MIS12: variants seen among roughly 807,000 people sequenced by gnomAD.
The protein encoded by MIS12 is MIS12 kinetochore complex component.
A neutral mutation model predicts 16.5 loss-of-function variants in MIS12; 13 were observed. The observed-to-expected ratio is 0.79, with a 90% CI of 0.51 to 1.25. MIS12 has a LOEUF of 1.25. Among genes scored for constraint, MIS12 ranks in the 50% most tolerant of loss-of-function variants. The probability of loss-of-function intolerance (pLI) is 0.00; values close to 1 mark genes in which losing one functional copy is unlikely to be tolerated. For synonymous variants in MIS12, 97 were observed against 87.3 expected (o/e 1.11, Z -0.62); for missense variants, 199 against 239.5 (o/e 0.83, Z 1.12).
rs1356730840 is a variant in MIS12 at position 5,490,720 on chromosome 17, C to A, written c.*1240C>A. 6.0e-6 allele frequency: 1 copy of A among 167,004 alleles called. No homozygotes were observed. Among genetic ancestry groups the A allele is most frequent in the Admixed American group, 6.5e-5 (1 of 15,278 alleles). The allele number at this position is 167,004 out of a possible 1,614,324, so 10.3% of individuals were successfully genotyped here. A position where few individuals can be genotyped will look rare whatever the true frequency, so the allele number is the denominator to read the frequency against. On this transcript the variant is annotated 3_prime_UTR_variant, in exon 3 of 3. Transcript: ENST00000611091. ...TAGGGTGTATTTGCAATGAAATATT[C>A]ATAGATATTGAAAGCTTGTGTTTAC...
Position 5,489,582 on chromosome 17 carries a change from A to G in MIS12, c.*102A>G, listed in dbSNP as rs1463434762. The G allele has an allele frequency of 2.5e-5, 31 of 1,259,748 alleles. No individual in the cohort carries two copies. Among genetic ancestry groups the G allele is most frequent in the Non-Finnish European group, 3.2e-5 (30 of 925,876 alleles). The allele number at this position is 1,259,748 out of a possible 1,614,324, so 78.0% of individuals were successfully genotyped here. A position where few individuals can be genotyped will look rare whatever the true frequency, so the allele number is the denominator to read the frequency against. On this transcript the variant is annotated 3_prime_UTR_variant, in exon 3 of 3. Transcript: ENST00000611091. ...ATCATACCAGTGACTGTTCAAACCA[A>G]CCATACTTTTTATTAGATTTGCTTT...
upstream of MIS12, chr17:5,486,377 T>G: frequency 9.4e-6 from 4 of 424,072 alleles, no homozygotes; most frequent in Admixed American, 4.2e-5. Flanking sequence ...GCGCCCCATC[T>G]CCCCACCCTC....
intron 1 of MIS12, 167 bp downstream of exon 1, chr17:5,486,851 A>T (rs1333622799): frequency 6.6e-6 from 1 of 152,504 alleles, no homozygotes; most frequent in Non-Finnish European, 1.5e-5. Context: ...GGAAGCCGGG[A>T]GCCGGCCGGA....
intron 2 of MIS12, 26 bp downstream of exon 2, chr17:5,488,615 G>C: frequency 2.3e-6 from 1 of 440,232 alleles, no homozygotes; most frequent in Non-Finnish European, 4.1e-6. Flanking sequence ...AACGAGGAGG[G>C]GAAAAGGGAG....
rs773160575 is a variant in MIS12 at position 5,489,745 on chromosome 17, C to T, written c.*265C>T. 1 of 362,740 alleles carries T rather than the reference C, an allele frequency of 2.8e-6. No individual in the cohort carries two copies. Among genetic ancestry groups the T allele is most frequent in the Non-Finnish European group, 5.1e-6 (1 of 194,838 alleles). 22.5% of individuals were successfully genotyped at this position (362,740 alleles called of 1,614,324 possible). On this transcript the variant is annotated 3_prime_UTR_variant, in exon 3 of 3. Transcript: ENST00000611091. ...AGGGATCCAACAAAGAAGCCATGAC[C>T]AGTTAAAGATATTTGCAGAGTTACA... is the stretch of plus-strand genomic sequence containing the variant.
At chr17:5,487,981 G>C in intron 1 of MIS12, among the ~76,000 whole-genome samples, 1 of 152,102 alleles carries the variant, frequency 6.6e-6, no homozygotes, top group Non-Finnish European at 1.5e-5. Context: ...TTATCTGAAG[G>C]AATAATAAAA....
chr17:5,487,426 A>G (rs1906434169), intron 1 of MIS12: 1 of 152,328 alleles, frequency 6.6e-6, no homozygotes, highest in Admixed American at 6.5e-5. Context: ...ACAGAGCGAC[A>G]ACATGTCTCA....
chr17:5,489,175 A>C lies in MIS12; in HGVS notation c.313A>C (p.Lys105Gln). The change falls in exon 3 of 3, where the codon AAG becomes CAG. Residue 105 changes from lysine to glutamine, a missense_variant. Lys to Gln is a moderately conservative substitution (Grantham distance 53). Transcript: ENST00000611091. ...SNILLPEDKC[K>Q]ETPYSEEDFQ... ...CATCTTGCTTCCTGAAGATAAATGT[A>C]AGGAGACACCTTATAGTGAGGAAGA... 6.2e-7 allele frequency: 1 copy of C among 1,614,228 alleles called. No homozygotes were observed. The highest frequency in any genetic ancestry group is 8.5e-7 in the Non-Finnish European group (1 of 1,180,038).
chr17:5,489,392 G>A lies in MIS12; in HGVS notation c.530G>A (p.Ser177Asn). The change falls in exon 3 of 3, where the codon AGT becomes AAT. Residue 177 changes from serine to asparagine, a missense_variant. Transcript: ENST00000611091. ...RDHGTSDFRE[S>N]LVSLVQNSRK... The stretch of plus-strand genomic sequence containing the variant: ...CATGGGACTAGTGATTTTAGGGAGA[G>A]TTTAGTATCCCTGGTTCAGAACTCC... 2 of 1,613,856 alleles carry A rather than the reference G, an allele frequency of 1.2e-6. No homozygotes were observed. Among genetic ancestry groups the A allele is most frequent in the Non-Finnish European group, 1.7e-6 (2 of 1,179,912 alleles).
chr17:5,487,566 C>G (rs1567616685), intron 1 of MIS12: 1 of 152,200 alleles, frequency 6.6e-6, no homozygotes, highest in Admixed American at 6.5e-5. Flanking sequence ...GAGTCTCGCT[C>G]TGTTGCCCAG....
Position 5,489,210 on chromosome 17 carries a change from T to C in MIS12, c.348T>C (p.His116=). The C allele has an allele frequency of 1.2e-6, 2 of 1,614,192 alleles. No homozygotes were observed. The highest frequency in any genetic ancestry group is 2.2e-5 in the East Asian group (1 of 44,878). The change falls in exon 3 of 3, where the codon CAT becomes CAC. Residue 116 remains histidine, a synonymous_variant. Coordinates refer to ENST00000611091, the MANE Select transcript of MIS12 (RefSeq NM_001258217.2). ...CTTATAGTGAGGAAGATTTTCAGCA[T>C]CTCCAGAAAGAAATTGAACAGTTAC... ...ETPYSEEDFQ[H]LQKEIEQLQE...
Position 5,488,469 on chromosome 17 carries a change from G to GT in MIS12, c.-161_-160insT. ...TCAAGAGCCAGGTGGCTAAAAGGTG[G>GT]AGCTATAGGTCATTGAAGCTCAAGA... On this transcript the variant is annotated 5_prime_UTR_variant, in exon 2 of 3. Transcript: ENST00000611091. The GT allele has an allele frequency of 1.2e-5, 2 of 167,144 alleles. No individual in the cohort carries two copies. The highest frequency in any genetic ancestry group is 5.8e-5 in the Admixed American group (1 of 17,236). The allele number at this position is 167,144 out of a possible 1,614,324, so 10.4% of individuals were successfully genotyped here. A position where few individuals can be genotyped will look rare whatever the true frequency, so the allele number is the denominator to read the frequency against.
At position 5,489,444 on chromosome 17, in the gene MIS12, T is replaced by A. The variant is rs779548037; in HGVS notation, c.582T>A (p.Asn194Lys). 2.5e-6 allele frequency: 4 copies of A among 1,594,496 alleles called. No individual in the cohort carries two copies. The highest frequency in any genetic ancestry group is 3.4e-6 in the Non-Finnish European group (4 of 1,174,832). ...NSRKLQNIRD[N>K]VEKESKRLKI... ...GAAAACTACAGAACATTAGAGACAA[T>A]GTGGAAAAGGAATCGAAACGACTGA... Residue 194 changes from asparagine (N) to lysine (K), a missense_variant, in exon 3 of 3, where the codon AAT becomes AAA. Physicochemically the swap from Asn to Lys is moderately conservative, Grantham distance 94. Coordinates refer to ENST00000611091, the MANE Select transcript of MIS12 (RefSeq NM_001258217.2).
At chr17:5,487,754 A>G (rs1906473740) in intron 1 of MIS12, 1 of 152,182 alleles carries the variant, frequency 6.6e-6, no homozygotes, top group Admixed American at 6.5e-5. Flanking sequence ...CTGGTCTCGA[A>G]CTCCTGACCT....
At position 5,489,035 on chromosome 17, in the gene MIS12, T is replaced by C; in HGVS notation, c.173T>C (p.Val58Ala). ...ATCCCAGACTGTGACATTAGCCCAG[T>C]GCAGATTCGCAAATGCACAGAGAAG... ...DGIPDCDISPVQIRKCTEKFL... is the reference protein window; with the variant it reads ...DGIPDCDISPAQIRKCTEKFL... The change falls in exon 3 of 3, where the codon GTG becomes GCG. Residue 58 changes from valine to alanine, a missense_variant. Transcript: ENST00000611091. The C allele has an allele frequency of 6.2e-7, 1 of 1,614,238 alleles. No individual in the cohort carries two copies. Among genetic ancestry groups the C allele is most frequent in the East Asian group, 2.2e-5 (1 of 44,892 alleles).
rs1459405734 is a variant in MIS12, at chr17:5,489,119, T to A, written c.257T>A (p.Phe86Tyr). The change falls in exon 3 of 3, where the codon TTT (phenylalanine) becomes TAT (tyrosine). Residue 86 changes from phenylalanine (F) to tyrosine (Y), a missense_variant. Transcript: ENST00000611091. ...CTTTTTAGCAAAATGGAGCAACTGT[T>A]TTTGCAGCTGATTTTACGTATTCCC... ...DNLFSKMEQL[F>Y]LQLILRIPSN... 6.2e-7 allele frequency: 1 copy of A among 1,614,190 alleles called. No homozygotes were observed. The highest frequency in any genetic ancestry group is 1.7e-5 in the Admixed American group (1 of 60,028).
intron 1 of MIS12, chr17:5,487,065 T>C (rs1296694436): frequency 6.6e-6 from 1 of 152,092 alleles, no homozygotes; most frequent in African/African-American, 2.4e-5. Context: ...CGAAGAGAGG[T>C]CCTAATGGGA....
At chr17:5,487,791 A>T (rs1455742607) in intron 1 of MIS12, 1 of 152,214 alleles carries the variant, frequency 6.6e-6, no homozygotes, top group South Asian at 2.1e-4. Context: ...CCGGCCTCCT[A>T]AAGTGCTGAG....
In MIS12 at chr17:5,488,962, G is replaced by T; in HGVS notation, c.100G>T (p.Glu34Ter). ...CATTGCATTTCAAGACTACCTATTT[G>T]AAGTGATGCAGGCCGTTGAACAGGT... The part of the protein sequence containing the change: ...IYIAFQDYLF[E>*]VMQAVEQVIL... The change falls in exon 3 of 3, where the codon GAA becomes TAA. Residue 34 changes from glutamate (E) to a stop codon, truncating the protein, a stop_gained. Transcript: ENST00000611091. LOFTEE classifies it high-confidence loss of function. 2 of 1,614,192 alleles carry T rather than the reference G, an allele frequency of 1.2e-6. No homozygotes were observed. The highest frequency in any genetic ancestry group is 1.7e-6 in the Non-Finnish European group (2 of 1,180,044).
Sources: gnomAD v4.1 joint callset for allele counts (sites outside exome capture counted in the v4.1 genomes callset) on GRCh38, gnomAD v4.1.1 for gene constraint, MANE v1.5 for transcripts, NCBI Gene and HGNC (gene_info 2026-07-23, HGNC 2026-07-21) for gene names.